The following PDE10A variants were observed in gnomAD, a reference collection of about 807,000 sequenced individuals.
The protein encoded by PDE10A is cAMP and cAMP-inhibited cGMP 3',5'-cyclic phosphodiesterase 10A.
In PDE10A, 39 loss-of-function variants were observed where a neutral mutation model predicts 97.7. That is an observed-to-expected ratio of 0.40 (90% CI 0.31 to 0.52). The LOEUF (loss-of-function observed/expected upper bound fraction) is 0.52, where lower values mean the gene tolerates loss of function less well. Ranked by LOEUF, PDE10A falls within the 20% of genes least tolerant of loss-of-function variation. PDE10A has a pLI of 0.56. For synonymous variants in PDE10A, 371 were observed against 376.8 expected, an observed-to-expected ratio of 0.98 and a Z score of 0.18; for missense variants, 731 against 1,047.8, an observed-to-expected ratio of 0.70 and a Z score of 4.17.
chr6:165,656,209 C>T (rs1352097996), intron 1 of PDE10A, among the ~76,000 whole-genome samples: 1 of 150,724 alleles, frequency 6.6e-6, no homozygotes, highest in African/African-American at 2.4e-5. Flanking sequence ...TTTCTCTGGG[C>T]ATGGAACTAC....
At chr6:165,646,295 G>A (rs1789394983) in intron 1 of PDE10A, among the ~76,000 whole-genome samples, 2 of 152,170 alleles carry the variant, frequency 1.3e-5, no homozygotes, top group African/African-American at 4.8e-5. Flanking sequence ...AAACCTAGGT[G>A]GAGCCTATCA....
chr6:165,411,086 CAAAAAAAAAAAAAAAAA>C (rs71026688), intron 13 of PDE10A, among the ~76,000 whole-genome samples: 1 of 43,086 alleles, frequency 2.3e-5, no homozygotes, highest in Non-Finnish European at 3.9e-5. Flanking sequence ...GACTCCGCCT[CAAAAAAAAAAAAAAAAA>C]AAAAAAGAAA....
At chr6:165,965,872 A>G (rs1023516234) in intron 1 of PDE10A, among the ~76,000 whole-genome samples, 2 of 152,240 alleles carry the variant, frequency 1.3e-5, no homozygotes, top group Middle Eastern at 3.2e-3. Context: ...GGAACAAACC[A>G]TGGTGGATGT....
chr6:165,399,465 G>A (rs1172923706), intron 13 of PDE10A, among the ~76,000 whole-genome samples: 1 of 152,092 alleles, frequency 6.6e-6, no homozygotes, highest in Non-Finnish European at 1.5e-5. Context: ...AAGTTTTAGG[G>A]TACATGTGCA....
chr6:165,572,853 A>G lies in PDE10A; in HGVS notation c.866-29285T>C, dbSNP rs115929662. Among the ~76,000 whole-genome samples the G allele has an allele frequency of 5.8e-3, 878 of 152,260 alleles. 12 individuals carry two copies. The highest frequency in any genetic ancestry group is 0.02 in the African/African-American group (836 of 41,548). On this transcript the variant is annotated intron_variant, in intron 1 of 21. Coordinates refer to ENST00000539869, the MANE Select transcript of PDE10A (RefSeq NM_001385079.1). ...CCCTGTCTCAAACAAACAAACCAAA[A>G]AGCAGTCATCCTCAGCTTTACTTCC... is the stretch of plus-strand genomic sequence containing the variant.
intron 1 of PDE10A, among the ~76,000 whole-genome samples, chr6:165,713,090 C>A (rs150189447): frequency 3.9e-5 from 6 of 152,190 alleles, no homozygotes; most frequent in Non-Finnish European, 5.9e-5. Context: ...GAGAGAGTGC[C>A]GCACACGTGA....
intron 18 of PDE10A, among the ~76,000 whole-genome samples, chr6:165,361,834 A>G (rs1208332133): frequency 1.3e-5 from 2 of 152,238 alleles, no homozygotes; most frequent in Admixed American, 1.3e-4. Flanking sequence ...CCTTGATTTC[A>G]GACTTCTGGC....
intron 18 of PDE10A, among the ~76,000 whole-genome samples, chr6:165,367,241 ATGTGTG>A (rs58370634): frequency 6.8e-5 from 10 of 147,282 alleles, no homozygotes; most frequent in African/African-American, 1.3e-4. Context: ...ACACACACAT[ATGTGTG>A]TGTGTGTGTG....
intron 18 of PDE10A, among the ~76,000 whole-genome samples, chr6:165,345,998 G>T (rs948171228): frequency 6.6e-6 from 1 of 152,190 alleles, no homozygotes; most frequent in Non-Finnish European, 1.5e-5. Context: ...GGAACAAAAA[G>T]AAATGCCATT....
chr6:165,615,741 C>T (rs372042428), intron 1 of PDE10A, among the ~76,000 whole-genome samples: 12 of 152,168 alleles, frequency 7.9e-5, no homozygotes, highest in African/African-American at 2.2e-4. Context: ...TACTGAAATT[C>T]GCATGTCTTT....
intron 1 of PDE10A, among the ~76,000 whole-genome samples, chr6:165,595,690 AC>A (rs1786544101): frequency 6.6e-6 from 1 of 152,194 alleles, no homozygotes; most frequent in Admixed American, 6.5e-5. Context: ...CTTATTTTTC[AC>A]ATTTCTGAAG....
intron 10 of PDE10A, among the ~76,000 whole-genome samples, chr6:165,423,937 C>T (rs945271953): frequency 1.3e-5 from 2 of 152,072 alleles, no homozygotes; most frequent in South Asian, 2.1e-4. Flanking sequence ...AAAGTCTAAC[C>T]TCATTCCCCA....
intron 1 of PDE10A, among the ~76,000 whole-genome samples, chr6:165,768,604 A>G (rs1379744973): frequency 5.9e-5 from 9 of 152,158 alleles, no homozygotes; most frequent in African/African-American, 2.2e-4. Context: ...TGGTATTTCT[A>G]AGCACTTTTG....
At chr6:165,825,477 G>A (rs145242919) in intron 1 of PDE10A, among the ~76,000 whole-genome samples, 5 of 152,264 alleles carry the variant, frequency 3.3e-5, no homozygotes, top group Non-Finnish European at 5.9e-5. Flanking sequence ...GCCCTGCTGC[G>A]GTTCCTTGAC....
chr6:165,633,468 C>A (rs1377217574), intron 1 of PDE10A, among the ~76,000 whole-genome samples: 20 of 151,964 alleles, frequency 1.3e-4, no homozygotes, highest in Non-Finnish European at 1.5e-5. Context: ...AACTGTAAAA[C>A]CCCCTCGGAA....
intron 1 of PDE10A, among the ~76,000 whole-genome samples, chr6:165,826,289 T>A (rs1779742525): frequency 1.1e-5 from 1 of 91,478 alleles, no homozygotes. Context: ...TGTCCCTCTG[T>A]CCCCATGTCC....
At chr6:165,342,113 T>C (rs1238359652) in intron 19 of PDE10A, among the ~76,000 whole-genome samples, 2 of 152,370 alleles carry the variant, frequency 1.3e-5, no homozygotes, top group East Asian at 3.9e-4. Flanking sequence ...GATTTTTGTA[T>C]ATTTTATGGT....
rs1781101615 is a variant in PDE10A, at chr6:165,327,311, A to G, written c.*5714T>C. Reference sequence around the variant, plus strand: ...AGATATTTTAAAAACTCTGTATTCAATTATTCACACCAAAGGATATCCATT... The same window carrying G: ...AGATATTTTAAAAACTCTGTATTCAGTTATTCACACCAAAGGATATCCATT... On this transcript the variant is annotated 3_prime_UTR_variant, in exon 22 of 22. Transcript: ENST00000539869. 1 of 152,230 alleles carries G rather than the reference A, an allele frequency of 6.6e-6. No individual in the cohort carries two copies. 9.4% of individuals were successfully genotyped at this position (152,230 alleles called of 1,614,324 possible). A position where few individuals can be genotyped will look rare whatever the true frequency, so the allele number is the denominator to read the frequency against.
chr6:165,698,066 A>G (rs1791482909), intron 1 of PDE10A, among the ~76,000 whole-genome samples: 1 of 152,174 alleles, frequency 6.6e-6, no homozygotes, highest in Non-Finnish European at 1.5e-5. Context: ...CATGAAGTGA[A>G]TCTCTCCTTT....
Sources: gnomAD v4.1 joint callset for allele counts (sites outside exome capture counted in the v4.1 genomes callset) on GRCh38, gnomAD v4.1.1 for gene constraint, MANE v1.5 for transcripts, NCBI Gene and HGNC (gene_info 2026-07-23, HGNC 2026-07-21) for gene names.